Variants in CELSR1 observed in about 807,000 individuals in gnomAD.
CELSR1 encodes the protein adhesion G protein-coupled receptor C1.
CELSR1 carries 110 observed loss-of-function variants against 249.1 expected under a neutral mutation model. That is an observed-to-expected ratio of 0.44 (90% confidence interval 0.38 to 0.52). CELSR1 has a LOEUF of 0.52. CELSR1 is among the 20% of genes least tolerant of loss of function. The pLI is 0.00. For synonymous variants in CELSR1, 2,113 were observed against 1,900.0 expected (o/e 1.11, Z -2.92); for missense variants, 4,109 against 4,296.4 (o/e 0.96, Z 1.22).
At chr22:46,379,964 A>G (rs2078959243) in intron 22 of CELSR1, among the ~76,000 whole-genome samples, 8 of 152,226 alleles carry the variant, frequency 5.3e-5, no homozygotes, top group Admixed American at 5.2e-4. Flanking sequence ...CAGAGACAGC[A>G]AAAGTGAAAA....
chr22:46,514,552 A>T lies in CELSR1; in HGVS notation c.3544+19075T>A, dbSNP rs575101177. Reference sequence around the variant, plus strand: ...AAGGATGTGGCCTGAGGACACCCCAACAGCATCTGTGTATCACCGCCAGAC... The same window carrying T: ...AAGGATGTGGCCTGAGGACACCCCATCAGCATCTGTGTATCACCGCCAGAC... On this transcript the variant is annotated intron_variant, in intron 1 of 34. Transcript: ENST00000674500. 2.2e-4 allele frequency among the ~76,000 whole-genome samples: 34 copies of T among 152,254 alleles called. 1 individual carries two copies. Among genetic ancestry groups the T allele is most frequent in the African/African-American group, 7.9e-4 (33 of 41,550 alleles).
chr22:46,389,381 G>A lies in CELSR1; in HGVS notation c.6464C>T (p.Thr2155Met), dbSNP rs750126024. ...TGTLFGNDVR[T>M]AYQLLGHVLQ... ...GACGTGGCCCAGCAGCTGGTAGGCC[G>A]TGCGCACGTCATTGCCAAAGAGCGT... The change falls in exon 18 of 35, where the codon ACG (threonine) becomes ATG (methionine). Residue 2155 changes from threonine to methionine, a missense_variant. Physicochemically the swap from Thr to Met is moderately conservative, Grantham distance 81. This residue lies in a region of CELSR1 where 1,805 missense variants were observed against 1,831.6 expected (regional missense o/e 0.99). Coordinates refer to ENST00000674500, the MANE Select transcript of CELSR1 (RefSeq NM_001378328.1). 5.6e-6 allele frequency: 9 copies of A among 1,611,116 alleles called. No homozygotes were observed. The highest frequency in any genetic ancestry group is 4.5e-5 in the East Asian group (2 of 44,888).
chr22:46,368,798 T>G (rs1296074966), intron 27 of CELSR1, among the ~76,000 whole-genome samples: 1 of 151,646 alleles, frequency 6.6e-6, no homozygotes, highest in Non-Finnish European at 1.5e-5. Context: ...TGGGGGGGTC[T>G]CCTCCCCTCC....
Position 46,439,371 on chromosome 22 carries a change from G to A in CELSR1, c.4224C>T (p.Ala1408=), listed in dbSNP as rs201844052. The A allele has an allele frequency of 6.2e-6, 10 of 1,613,826 alleles. No individual in the cohort carries two copies. The Middle Eastern group carries it at 5.1e-4, about 82-fold the overall frequency. ...TGCCCCCGTTCTTGCACACCCCGTTGGCACAGCGGCCTGAGCGGGCATCCA... is the reference window on the plus strand; with the variant it reads ...TGCCCCCGTTCTTGCACACCCCGTTAGCACAGCGGCCTGAGCGGGCATCCA... ...CEVDARSGRC[A]NGVCKNGGTC... The change falls in exon 3 of 35, where the codon GCC becomes GCT. Residue 1408 remains alanine (A), a synonymous_variant. Coordinates refer to ENST00000674500, the MANE Select transcript of CELSR1 (RefSeq NM_001378328.1).
rs2079264565 is a variant in CELSR1 at position 46,406,246 on chromosome 22, C to T, written c.5226+2750G>A. On this transcript the variant is annotated intron_variant, in intron 9 of 34. Coordinates refer to ENST00000674500, the MANE Select transcript of CELSR1 (RefSeq NM_001378328.1). The surrounding 1 kb of genome is among the most constrained non-coding windows in gnomAD (Gnocchi z 5.4). ...AGAAAATACCATCCCCAGGCAGCAC[C>T]GCACTTGCCAAGTTTTGGCCTGGAG... is the stretch of plus-strand genomic sequence containing the variant. 1.3e-5 allele frequency among the ~76,000 whole-genome samples: 2 copies of T among 152,220 alleles called. No individual in the cohort carries two copies. Among genetic ancestry groups the T allele is most frequent in the South Asian group, 2.1e-4 (1 of 4,836 alleles).
intron 1 of CELSR1, among the ~76,000 whole-genome samples, chr22:46,466,216 G>A (rs1482984799): frequency 6.6e-6 from 1 of 152,222 alleles, no homozygotes; most frequent in Non-Finnish European, 1.5e-5. Context: ...GACATGGTGG[G>A]AGACGGCCTC....
intron 3 of CELSR1, 51 bp downstream of exon 3, chr22:46,439,138 C>T (rs189818967): frequency 5.9e-6 from 9 of 1,523,736 alleles, no homozygotes; most frequent in East Asian, 4.5e-5. Flanking sequence ...CGGAGAAGCT[C>T]GCCCCTTTCC....
rs191687651 is a variant in CELSR1, at chr22:46,401,857, C to T, written c.5227-1955G>A. On this transcript the variant is annotated intron_variant, in intron 9 of 34. Coordinates refer to ENST00000674500, the MANE Select transcript of CELSR1 (RefSeq NM_001378328.1). The surrounding 1 kb of genome is among the most constrained non-coding windows in gnomAD (Gnocchi z 4.7). ...ACTCTGTGACTTTGGGAGACCAAGGCGGGTGGATCACCTGAGGTCAGGAGT... is the reference window on the plus strand; with the variant it reads ...ACTCTGTGACTTTGGGAGACCAAGGTGGGTGGATCACCTGAGGTCAGGAGT... 5.9e-5 allele frequency among the ~76,000 whole-genome samples: 9 copies of T among 152,208 alleles called. No homozygotes were observed. Among genetic ancestry groups the T allele is most frequent in the Admixed American group, 1.3e-4 (2 of 15,290 alleles).
rs373005959 is a variant in CELSR1, at chr22:46,445,728, C to A, written c.4184-6317G>T. 6.6e-6 allele frequency among the ~76,000 whole-genome samples: 1 copy of A among 152,178 alleles called. No individual in the cohort carries two copies. On this transcript the variant is annotated intron_variant, in intron 2 of 34. Coordinates refer to ENST00000674500, the MANE Select transcript of CELSR1 (RefSeq NM_001378328.1). The surrounding 1 kb of genome is among the most constrained non-coding windows in gnomAD (Gnocchi z 4.4). ...GCGTACATTCTAGCCTCTGCAAACCCGGTGCCCCGAGAGCAGCAGCGCCTG... is the reference window on the plus strand; with the variant it reads ...GCGTACATTCTAGCCTCTGCAAACCAGGTGCCCCGAGAGCAGCAGCGCCTG...
In CELSR1 at chr22:46,372,928, G is replaced by A. The variant is rs748990241; in HGVS notation, c.7714C>T (p.Arg2572Trp). The A allele has an allele frequency of 2.3e-5, 37 of 1,612,902 alleles. No individual in the cohort carries two copies. Among genetic ancestry groups the A allele is most frequent in the Non-Finnish European group, 2.9e-5 (34 of 1,179,616 alleles). Reference protein sequence around the residue: ...EVRNIDTGPMRFYYVVGWGIP... With the variant: ...EVRNIDTGPMWFYYVVGWGIP... ...CCCCAGCCCACGACGTAGTAGAACC[G>A]CATGGGCCCCGTGTCGATGTTGCGC... Residue 2572 changes from arginine (R) to tryptophan (W), a missense_variant, in exon 25 of 35, where the codon CGG (arginine) becomes TGG (tryptophan). Physicochemically the swap from Arg to Trp is moderately radical, Grantham distance 101 (BLOSUM62 -3). Coordinates refer to ENST00000674500, the MANE Select transcript of CELSR1 (RefSeq NM_001378328.1).
chr22:46,410,109 G>A lies in CELSR1; in HGVS notation c.4934-229C>T, dbSNP rs537994545. On this transcript the variant is annotated intron_variant, in intron 7 of 34. Coordinates refer to ENST00000674500, the MANE Select transcript of CELSR1 (RefSeq NM_001378328.1). This position sits in a 1 kb window ranked among gnomAD's most constrained non-coding sequence, Gnocchi z 6.8. Reference sequence around the variant, plus strand: ...GCCAGGCCATCACGGCAGCCGGCCCGGTCACCTGGTGACACATATGCAAGA... The same window carrying A: ...GCCAGGCCATCACGGCAGCCGGCCCAGTCACCTGGTGACACATATGCAAGA... 2.7e-4 allele frequency among the ~76,000 whole-genome samples: 41 copies of A among 152,334 alleles called. No homozygotes were observed. Among genetic ancestry groups the A allele is most frequent in the Admixed American group, 2.4e-3 (37 of 15,310 alleles).
intron 5 of CELSR1, among the ~76,000 whole-genome samples, chr22:46,422,481 C>T (rs970752600): frequency 4.1e-4 from 61 of 148,454 alleles, no homozygotes; most frequent in African/African-American, 1.4e-3. Context: ...CACCTGTAAT[C>T]GCAGCACTTT....
At chr22:46,373,205 A>C (rs1288357282) in intron 24 of CELSR1, 148 bp from the exon 25 acceptor site, 1 of 862,134 alleles carries the variant, frequency 1.2e-6, no homozygotes, top group African/African-American at 1.7e-5. Context: ...ATGTCTGGCC[A>C]ATGGCTGAGA....
intron 17 of CELSR1, 56 bp from the exon 18 acceptor site, chr22:46,389,555 CCT>C: frequency 6.5e-7 from 1 of 1,541,746 alleles, no homozygotes; most frequent in South Asian, 1.1e-5. Flanking sequence ...GCTTTCAGTC[CCT>C]GCTGTTACTC....
intron 1 of CELSR1, among the ~76,000 whole-genome samples, chr22:46,485,876 A>G (rs192909252): frequency 1.1e-4 from 17 of 148,078 alleles, no homozygotes; most frequent in Admixed American, 3.4e-4. Flanking sequence ...TGACAGTGAT[A>G]TGTGTCGTGG....
At chr22:46,383,466 TTTG>T (rs749324230) in intron 20 of CELSR1, among the ~76,000 whole-genome samples, 7 of 152,338 alleles carry the variant, frequency 4.6e-5, no homozygotes, top group South Asian at 2.1e-4. Context: ...TTCTGGCTTT[TTTG>T]TTGTTGTTTT....
intron 1 of CELSR1, among the ~76,000 whole-genome samples, chr22:46,475,062 C>T (rs903356608): frequency 2.0e-5 from 3 of 152,028 alleles, no homozygotes; most frequent in South Asian, 2.1e-4. Context: ...TTTATCTTGC[C>T]GCATTATTCT....
At position 46,377,156 on chromosome 22, in the gene CELSR1, G is replaced by A. The variant is rs200072284; in HGVS notation, c.7489C>T (p.Arg2497Cys). 1.7e-4 allele frequency: 271 copies of A among 1,613,858 alleles called. No homozygotes were observed. The highest frequency in any genetic ancestry group is 2.7e-4 in the East Asian group (12 of 44,884). Reference protein sequence around the residue: ...FVLLSLVRMLRSNLHSIHKHL... With the variant: ...FVLLSLVRMLCSNLHSIHKHL... ...TTGTGAATGCTGTGCAGGTTGGAGC[G>A]CAGCATGCGGACCAGGCTCAGGAGG... Residue 2497 changes from arginine to cysteine, a missense_variant, in exon 24 of 35, where the codon CGC becomes TGC. Transcript: ENST00000674500.
chr22:46,457,381 G>A (rs2079968554), intron 2 of CELSR1, among the ~76,000 whole-genome samples: 1 of 152,016 alleles, frequency 6.6e-6, no homozygotes, highest in Non-Finnish European at 1.5e-5. Flanking sequence ...AGCCCCTGGG[G>A]TCCTAAAAGC....
Sources: allele counts gnomAD v4.1 joint callset (sites outside exome capture counted in the v4.1 genomes callset), GRCh38; gene constraint gnomAD v4.1.1; regional missense constraint gnomAD v4.1.1; non-coding constraint Gnocchi (gnomAD v3.1); transcripts MANE v1.5; gene names NCBI Gene and HGNC (gene_info 2026-07-23, HGNC 2026-07-21).